HYAL4: variants seen among roughly 807,000 people sequenced by gnomAD.
The protein encoded by HYAL4 is hyaluronidase 4, also known as hyaluronidase-4.
In HYAL4, 37 loss-of-function variants were observed where a neutral mutation model predicts 35.2. The observed-to-expected ratio is 1.05, with a 90% CI of 0.81 to 1.38. The LOEUF is 1.38. Among genes scored for constraint, HYAL4 ranks in the 40% most tolerant of loss-of-function variants. The pLI is 0.00. For missense variants in HYAL4, 572 were observed against 572.4 expected (o/e 1.00, Z 0.01); for synonymous variants, 198 against 203.2 (o/e 0.97, Z 0.22).
the HYAL4 span, among the ~76,000 whole-genome samples, chr7:123,778,931 A>T: frequency 2.0e-5 from 3 of 152,352 alleles, no homozygotes; most frequent in Admixed American, 6.5e-5. Flanking sequence ...TGCCAAGTAG[A>T]TATGAGAATC....
At chr7:123,799,436 A>C in the HYAL4 span, among the ~76,000 whole-genome samples, 1 of 150,108 alleles carries the variant, frequency 6.7e-6, no homozygotes, top group African/African-American at 2.4e-5. Flanking sequence ...TTATAAAATT[A>C]TAAAATAAAA....
chr7:123,780,971 G>T, the HYAL4 span, among the ~76,000 whole-genome samples: 1 of 65,502 alleles, frequency 1.5e-5, no homozygotes, highest in Admixed American at 1.8e-4. Flanking sequence ...GCCAGGTATT[G>T]TCCAAGGTTT....
intron 1 of HYAL4, among the ~76,000 whole-genome samples, chr7:123,847,097 G>C (rs183536789): frequency 6.6e-6 from 1 of 152,262 alleles, no homozygotes; most frequent in East Asian, 1.9e-4. Context: ...AGTTCACAAC[G>C]TGAGTCTCCA....
At chr7:123,809,022 T>C in the HYAL4 span, among the ~76,000 whole-genome samples, 1 of 152,206 alleles carries the variant, frequency 6.6e-6, no homozygotes, top group Non-Finnish European at 1.5e-5. Flanking sequence ...ATTCAGACCA[T>C]AGTACCACTG....
chr7:123,837,852 C>G (rs1361377972), intron 1 of HYAL4, among the ~76,000 whole-genome samples: 1 of 152,048 alleles, frequency 6.6e-6, no homozygotes, highest in Non-Finnish European at 1.5e-5. Context: ...ATGAACTCAT[C>G]ATTTTTTATG....
At chr7:123,830,126 A>C (rs1030018177) in intron 1 of HYAL4, among the ~76,000 whole-genome samples, 2 of 152,216 alleles carry the variant, frequency 1.3e-5, no homozygotes, top group African/African-American at 2.4e-5. Context: ...TTCTCAAGTT[A>C]AAAACAGATC....
chr7:123,839,832 G>A (rs1031615742), intron 1 of HYAL4, among the ~76,000 whole-genome samples: 3 of 43,314 alleles, frequency 6.9e-5, no homozygotes, highest in South Asian at 9.5e-4. Context: ...TAATGGGATT[G>A]TTTGTTTTTT....
At chr7:123,796,792 C>T in the HYAL4 span, among the ~76,000 whole-genome samples, 52 of 152,302 alleles carry the variant, frequency 3.4e-4, no homozygotes, top group African/African-American at 1.1e-3. Flanking sequence ...TTACATACTA[C>T]AGCATGGATA....
At chr7:123,768,043 A>G in the HYAL4 span, among the ~76,000 whole-genome samples, 1 of 152,232 alleles carries the variant, frequency 6.6e-6, no homozygotes, top group Non-Finnish European at 1.5e-5. Flanking sequence ...TTAAGTGGGT[A>G]TTCTGTATTT....
chr7:123,790,317 T>A, the HYAL4 span, among the ~76,000 whole-genome samples: 1 of 152,186 alleles, frequency 6.6e-6, no homozygotes, highest in Non-Finnish European at 1.5e-5. Flanking sequence ...GAAGGTAGCA[T>A]ATTATTATAA....
At chr7:123,870,303 A>G (rs140652929) in intron 3 of HYAL4, among the ~76,000 whole-genome samples, 70 of 152,368 alleles carry the variant, frequency 4.6e-4, no homozygotes, top group African/African-American at 1.5e-3. Context: ...GAAATGATGC[A>G]TGTGTATGAA....
At position 123,830,991 on chromosome 7, in the gene HYAL4, C is replaced by T. The variant is rs116910832; in HGVS notation, c.-257+1867C>T. On this transcript the variant is annotated intron_variant, in intron 1 of 4. Transcript: ENST00000489978. Reference sequence around the variant, plus strand: ...TTTTCTAGAATACTAGTTTGTTCTGCACTTTCAATGGTTTGGCAATGGTTT... The same window carrying T: ...TTTTCTAGAATACTAGTTTGTTCTGTACTTTCAATGGTTTGGCAATGGTTT... 3.7e-3 allele frequency among the ~76,000 whole-genome samples: 563 copies of T among 152,284 alleles called. 3 individuals carry two copies. The highest frequency in any genetic ancestry group is 6.6e-3 in the Non-Finnish European group (450 of 68,034).
At chr7:123,869,249 G>A in intron 3 of HYAL4, 22 bp downstream of exon 3, 1 of 1,461,966 alleles carries the variant, frequency 6.8e-7, no homozygotes, top group South Asian at 1.3e-5. Flanking sequence ...CTTGTCCAAT[G>A]GTGGGGGATT....
chr7:123,788,546 T>C, the HYAL4 span, among the ~76,000 whole-genome samples: 2 of 152,148 alleles, frequency 1.3e-5, no homozygotes. Context: ...CCCTGAGAAG[T>C]CATTCTATCT....
At chr7:123,858,513 T>A (rs1225171848) in intron 2 of HYAL4, among the ~76,000 whole-genome samples, 1 of 151,982 alleles carries the variant, frequency 6.6e-6, no homozygotes. Context: ...AGATCTGTCT[T>A]ATGTGAAAAT....
At chr7:123,832,648 C>T (rs971174618) in intron 1 of HYAL4, among the ~76,000 whole-genome samples, 1 of 151,562 alleles carries the variant, frequency 6.6e-6, no homozygotes, top group African/African-American at 2.4e-5. Context: ...TACAGGTGCC[C>T]ACCACCATGC....
chr7:123,872,559 C>T (rs1408610635), intron 3 of HYAL4, among the ~76,000 whole-genome samples: 1 of 152,184 alleles, frequency 6.6e-6, no homozygotes, highest in African/African-American at 2.4e-5. Flanking sequence ...TGATTCAGGT[C>T]CAAGGATCAT....
chr7:123,787,107 CA>C, the HYAL4 span, among the ~76,000 whole-genome samples: 350 of 49,162 alleles, frequency 7.1e-3, no homozygotes, highest in Non-Finnish European at 0.01. Context: ...AACTCTGTCT[CA>C]AAAAAAAAAA....
chr7:123,796,281 A>G, the HYAL4 span, among the ~76,000 whole-genome samples: 1 of 152,328 alleles, frequency 6.6e-6, no homozygotes, highest in South Asian at 2.1e-4. Context: ...CAAACCTGAG[A>G]CAATTCCTTC....
Sources: allele counts gnomAD v4.1 joint callset (sites outside exome capture counted in the v4.1 genomes callset), GRCh38; gene constraint gnomAD v4.1.1; transcripts MANE v1.5; gene names NCBI Gene and HGNC (gene_info 2026-07-23, HGNC 2026-07-21).